RIN3: variants seen among roughly 807,000 people sequenced by gnomAD.
RIN3 encodes the protein Ras and Rab interactor 3.
A neutral mutation model predicts 76.3 loss-of-function variants in RIN3; 54 were observed. That is an observed-to-expected ratio of 0.71 (90% CI 0.57 to 0.89). The LOEUF is 0.89. RIN3 is among the 40% of genes least tolerant of loss of function. The pLI, the probability that RIN3 is intolerant of heterozygous loss-of-function variation, is 0.00. For missense variants in RIN3, 1,256 were observed against 1,322.1 expected, an observed-to-expected ratio of 0.95 and a Z score of 0.78; for synonymous variants, 576 against 564.0, an observed-to-expected ratio of 1.02 and a Z score of -0.30.
chr14:92,603,825 C>T (rs1017419806), intron 3 of RIN3, among the ~76,000 whole-genome samples: 2 of 152,212 alleles, frequency 1.3e-5, no homozygotes, highest in African/African-American at 4.8e-5. Flanking sequence ...ACCTCAAAGC[C>T]AGTGGGTGCC....
intron 1 of RIN3, among the ~76,000 whole-genome samples, chr14:92,519,832 A>G (rs1840542858): frequency 6.6e-6 from 1 of 152,186 alleles, no homozygotes; most frequent in South Asian, 2.1e-4. Context: ...AGTGACGGGT[A>G]CATGGGAGGC....
At chr14:92,567,529 G>T (rs529685509) in intron 2 of RIN3, among the ~76,000 whole-genome samples, 3 of 152,208 alleles carry the variant, frequency 2.0e-5, no homozygotes, top group Admixed American at 2.0e-4. Flanking sequence ...GCTAGCTCAG[G>T]CTTCTTTACA....
At position 92,568,820 on chromosome 14, in the gene RIN3, G is replaced by T. The variant is rs953044005; in HGVS notation, c.250-8540G>T. 1.3e-5 allele frequency among the ~76,000 whole-genome samples: 2 copies of T among 152,256 alleles called. No individual in the cohort carries two copies. The highest frequency in any genetic ancestry group is 4.1e-4 in the South Asian group (2 of 4,834). ...CCCTGTGGCCATGCTGAAAGGGTGGGTGATGGGTTCGGAGCTGGGGAGCTG... is the reference window on the plus strand; with the variant it reads ...CCCTGTGGCCATGCTGAAAGGGTGGTTGATGGGTTCGGAGCTGGGGAGCTG... On this transcript the variant is annotated intron_variant, in intron 2 of 9. Coordinates refer to ENST00000216487, the MANE Select transcript of RIN3 (RefSeq NM_024832.5). The surrounding 1 kb of genome is among the most constrained non-coding windows in gnomAD (Gnocchi z 4.2).
In RIN3 at chr14:92,687,926, G is replaced by A; in HGVS notation, c.2632G>A (p.Asp878Asn). ...CCACAGGCCCCTCGCGTCTCCGCAG[G>A]ACTTCATCTGCGTGTCGTACCTGGA... is the stretch of plus-strand genomic sequence containing the variant. Reference protein sequence around the residue: ...KARASRSSVQDFICVSYLEPE... With the variant: ...KARASRSSVQNFICVSYLEPE... The change falls in exon 10 of 10, where the codon GAC (aspartate) becomes AAC (asparagine). Residue 878 changes from aspartate (D) to asparagine (N), a missense_variant and splice_region_variant. By Grantham distance (23) the Asp-to-Asn change is conservative (BLOSUM62 1). This residue lies in a region of RIN3 where 218 missense variants were observed against 174.5 expected (regional missense o/e 1.25). Coordinates refer to ENST00000216487, the MANE Select transcript of RIN3 (RefSeq NM_024832.5). 1 of 1,542,664 alleles carries A rather than the reference G, an allele frequency of 6.5e-7. No individual in the cohort carries two copies. Among genetic ancestry groups the A allele is most frequent in the Non-Finnish European group, 8.7e-7 (1 of 1,144,634 alleles).
chr14:92,607,388 A>C (rs2140095161), intron 3 of RIN3, among the ~76,000 whole-genome samples: 1 of 152,344 alleles, frequency 6.6e-6, no homozygotes, highest in East Asian at 1.9e-4. Context: ...TCATGCCGGT[A>C]ATTCCAGCGT....
chr14:92,560,043 T>A (rs1191442402), intron 2 of RIN3, among the ~76,000 whole-genome samples: 1 of 152,188 alleles, frequency 6.6e-6, no homozygotes, highest in Non-Finnish European at 1.5e-5. Flanking sequence ...TCGGGGCCTG[T>A]GGCAAGAGGC....
intron 1 of RIN3, among the ~76,000 whole-genome samples, chr14:92,520,455 C>CTA (rs1896567003): frequency 6.6e-6 from 1 of 152,208 alleles, no homozygotes; most frequent in African/African-American, 2.4e-5. Flanking sequence ...GTGAAGGTGG[C>CTA]CTCCATTTTG....
At chr14:92,637,404 G>C (rs935613267) in intron 4 of RIN3, among the ~76,000 whole-genome samples, 2 of 152,106 alleles carry the variant, frequency 1.3e-5, no homozygotes. Context: ...CTGTATGCGA[G>C]CGATGGGGAG....
chr14:92,534,238 CA>C (rs1896944233), intron 1 of RIN3, among the ~76,000 whole-genome samples: 1 of 137,774 alleles, frequency 7.3e-6, no homozygotes, highest in African/African-American at 2.8e-5. Flanking sequence ...TGAGTCATGT[CA>C]TTTTTTTTTT....
At chr14:92,537,982 G>A (rs895059393) in intron 1 of RIN3, among the ~76,000 whole-genome samples, 2 of 151,890 alleles carry the variant, frequency 1.3e-5, no homozygotes, top group Admixed American at 6.6e-5. Flanking sequence ...GACTACAGGC[G>A]CCCGCCTGGC....
rs1164548406 is a variant in RIN3, at chr14:92,652,022, C to T, written c.973C>T (p.His325Tyr). Residue 325 changes from histidine (H) to tyrosine (Y), a missense_variant, in exon 6 of 10, where the codon CAT becomes TAT. Physicochemically the swap from His to Tyr is moderately conservative, Grantham distance 83 (BLOSUM62 2). Coordinates refer to ENST00000216487, the MANE Select transcript of RIN3 (RefSeq NM_024832.5). This position sits in a 1 kb window ranked among gnomAD's most constrained non-coding sequence, Gnocchi z 6.4. ...AGTGCCTGCCCCCCACGTCACACCC[C>T]ATGCCCCAGGTCCCCCAGACCATCC... Reference protein sequence around the residue: ...PPVPAPHVTPHAPGPPDHPNQ... With the variant: ...PPVPAPHVTPYAPGPPDHPNQ... 2 of 1,593,520 alleles carry T rather than the reference C, an allele frequency of 1.3e-6. No homozygotes were observed. Among genetic ancestry groups the T allele is most frequent in the Non-Finnish European group, 1.7e-6 (2 of 1,171,808 alleles).
At chr14:92,528,477 T>G (rs1896804511) in intron 1 of RIN3, among the ~76,000 whole-genome samples, 1 of 152,030 alleles carries the variant, frequency 6.6e-6, no homozygotes, top group African/African-American at 2.4e-5. Context: ...TAGAACAGAG[T>G]CAAGAACGTA....
intron 3 of RIN3, among the ~76,000 whole-genome samples, chr14:92,604,241 CTCCCCAGCTGGGAACCAG>C (rs1197167055): frequency 6.6e-6 from 1 of 152,246 alleles, no homozygotes; most frequent in Non-Finnish European, 1.5e-5. Flanking sequence ...CCCCCTCCCA[CTCCCCAGCTGGGAACCAG>C]TCCCCAGCCC....
At chr14:92,567,417 A>G (rs1223437596) in intron 2 of RIN3, among the ~76,000 whole-genome samples, 3 of 152,168 alleles carry the variant, frequency 2.0e-5, no homozygotes, top group East Asian at 1.9e-4. Flanking sequence ...ATGCAGCTGC[A>G]ATCATCTAGC....
intron 1 of RIN3, among the ~76,000 whole-genome samples, chr14:92,544,147 CAA>C (rs1897192362): frequency 6.6e-6 from 1 of 152,110 alleles, no homozygotes; most frequent in Non-Finnish European, 1.5e-5. Context: ...CTGCTTTACA[CAA>C]GAGGACTCTG....
At chr14:92,542,285 CT>C in intron 1 of RIN3, among the ~76,000 whole-genome samples, 1 of 151,664 alleles carries the variant, frequency 6.6e-6, no homozygotes, top group African/African-American at 2.4e-5. Context: ...GAGACCCTGT[CT>C]CAAAAAAAAA....
rs775351953 is a variant in RIN3 at position 92,555,917 on chromosome 14, G to T, written c.211G>T (p.Ala71Ser). 6 of 1,613,438 alleles carry T rather than the reference G, an allele frequency of 3.7e-6. No individual in the cohort carries two copies. The highest frequency in any genetic ancestry group is 4.2e-6 in the Non-Finnish European group (5 of 1,180,024). ...PVWLQLSLGQ[A>S]EVARILHRVV... ...GTGGCTGCAGCTGAGTCTGGGCCAG[G>T]CAGAGGTGGCCAGGATCCTGCACCG... The change falls in exon 2 of 10, where the codon GCA becomes TCA. Residue 71 changes from alanine (A) to serine (S), a missense_variant. This residue lies in a region of RIN3 where 610 missense variants were observed against 626.4 expected (regional missense o/e 0.97). Coordinates refer to ENST00000216487, the MANE Select transcript of RIN3 (RefSeq NM_024832.5).
At chr14:92,653,889 G>T (rs1019787516) in intron 6 of RIN3, among the ~76,000 whole-genome samples, 1 of 151,748 alleles carries the variant, frequency 6.6e-6, no homozygotes, top group Non-Finnish European at 1.5e-5. Flanking sequence ...ATGGAGGCAC[G>T]CACCTGTAGT....
intron 4 of RIN3, among the ~76,000 whole-genome samples, chr14:92,618,610 G>A (rs1049001091): frequency 6.6e-6 from 1 of 152,182 alleles, no homozygotes; most frequent in African/African-American, 2.4e-5. Flanking sequence ...TCTTGCATGG[G>A]AAAGCTTTTA....
Sources: allele counts gnomAD v4.1 joint callset (sites outside exome capture counted in the v4.1 genomes callset), GRCh38; gene constraint gnomAD v4.1.1; regional missense constraint gnomAD v4.1.1; non-coding constraint Gnocchi (gnomAD v3.1); transcripts MANE v1.5; gene names NCBI Gene and HGNC (gene_info 2026-07-23, HGNC 2026-07-21).